Variants in SLC30A8 observed in about 807,000 individuals in gnomAD.
SLC30A8 encodes solute carrier family 30 member 8.
SLC30A8 carries 27 observed loss-of-function variants against 36.9 expected under a neutral mutation model. The ratio of observed to expected loss-of-function variants is 0.73; its 90% CI spans 0.54 to 1.01. The LOEUF (loss-of-function observed/expected upper bound fraction) is 1.01. Ranked by LOEUF, SLC30A8 falls within the 50% of genes least tolerant of loss-of-function variation. The pLI is 0.00. For missense variants in SLC30A8, 439 were observed against 452.0 expected, an observed-to-expected ratio of 0.97 and a Z score of 0.26; for synonymous variants, 164 against 172.4, an observed-to-expected ratio of 0.95 and a Z score of 0.38.
upstream of SLC30A8, chr8:116,950,300 A>G (rs1813947228): frequency 6.1e-6 from 1 of 164,706 alleles, no homozygotes; most frequent in Non-Finnish European, 1.3e-5. Context: ...TCACCTCTCA[A>G]TAGGAGATCA....
intron 1 of SLC30A8, among the ~76,000 whole-genome samples, chr8:116,969,591 G>A (rs1193203623): frequency 6.6e-6 from 1 of 152,072 alleles, no homozygotes; most frequent in Non-Finnish European, 1.5e-5. Flanking sequence ...GACCTCATAG[G>A]GTGTACTTAC....
At chr8:117,072,862 A>G (rs1332449286) in intron 2 of SLC30A8, among the ~76,000 whole-genome samples, 2 of 149,386 alleles carry the variant, frequency 1.3e-5, no homozygotes, top group African/African-American at 4.9e-5. Flanking sequence ...TTTCAAATAC[A>G]GGGGATTTTT....
intron 2 of SLC30A8, among the ~76,000 whole-genome samples, chr8:117,050,678 T>A (rs1465466956): frequency 4.6e-5 from 7 of 152,196 alleles, no homozygotes; most frequent in African/African-American, 1.7e-4. Flanking sequence ...AGTGCTGAGA[T>A]TACAGGCGTG....
chr8:117,021,880 C>T (rs1027481515), intron 1 of SLC30A8, among the ~76,000 whole-genome samples: 1 of 152,034 alleles, frequency 6.6e-6, no homozygotes, highest in Non-Finnish European at 1.5e-5. Context: ...CAATTTATGA[C>T]GGAAGGGCTG....
intron 6 of SLC30A8, among the ~76,000 whole-genome samples, chr8:117,164,408 CA>C (rs34433350): frequency 0.23 from 35,601 of 151,548 alleles, 4,439 homozygotes; most frequent in East Asian, 0.33. Flanking sequence ...CTCGTCTCAA[CA>C]AAAAAATGCA....
At chr8:117,036,980 GAGAA>G (rs1415976613) in intron 1 of SLC30A8, among the ~76,000 whole-genome samples, 1 of 152,148 alleles carries the variant, frequency 6.6e-6, no homozygotes, top group Non-Finnish European at 1.5e-5. Flanking sequence ...ATTAGAGAGA[GAGAA>G]AGAGAGATGT....
intron 1 of SLC30A8, among the ~76,000 whole-genome samples, chr8:116,969,420 G>C (rs146705398): frequency 5.6e-4 from 86 of 152,216 alleles, no homozygotes; most frequent in African/African-American, 1.9e-3. Flanking sequence ...TCTGTGCCTG[G>C]TTTACCCATC....
intron 2 of SLC30A8, among the ~76,000 whole-genome samples, chr8:117,070,475 C>T (rs1818298496): frequency 6.6e-6 from 1 of 152,214 alleles, no homozygotes; most frequent in African/African-American, 2.4e-5. Context: ...GCTGCAACAT[C>T]TCCAGAAACC....
At chr8:116,953,436 GA>G (rs1315623200) in intron 1 of SLC30A8, among the ~76,000 whole-genome samples, 1 of 152,016 alleles carries the variant, frequency 6.6e-6, no homozygotes, top group Non-Finnish European at 1.5e-5. Context: ...TCAAGTAGTG[GA>G]CTGTGATTAT....
intron 6 of SLC30A8, among the ~76,000 whole-genome samples, chr8:117,169,823 C>T (rs1823278516): frequency 6.6e-6 from 1 of 152,070 alleles, no homozygotes; most frequent in African/African-American, 2.4e-5. Context: ...GCAAAGACAG[C>T]ACCAAGCCAT....
At chr8:116,954,427 G>T (rs1814115467) in intron 1 of SLC30A8, among the ~76,000 whole-genome samples, 1 of 152,144 alleles carries the variant, frequency 6.6e-6, no homozygotes, top group South Asian at 2.1e-4. Context: ...TGATGGCTGG[G>T]CAGAAAAAGA....
intron 2 of SLC30A8, 80 bp from the exon 3 acceptor site, chr8:117,152,864 T>G: frequency 8.4e-7 from 1 of 1,196,886 alleles, no homozygotes. Context: ...TGTGGCATTT[T>G]CACCCATGAT....
chr8:117,159,719 A>C (rs1425863937), intron 4 of SLC30A8, among the ~76,000 whole-genome samples: 1 of 152,190 alleles, frequency 6.6e-6, no homozygotes, highest in Non-Finnish European at 1.5e-5. Flanking sequence ...CGCTTTGCAT[A>C]AGGAGAACAA....
rs149894232 is a variant in SLC30A8 at position 117,017,966 on chromosome 8, C to G, written c.-265-21253C>G. On this transcript the variant is annotated intron_variant, in intron 1 of 10. Transcript: ENST00000427715. ...GTAGAGCTGGGCATGGTGGCATCTG[C>G]CTGTAGTCCCAAATACTTACTGGGG... is the stretch of plus-strand genomic sequence containing the variant. 5 of 152,346 alleles carry G rather than the reference C, an allele frequency of 3.3e-5. No homozygotes were observed. The East Asian group carries it at 9.6e-4, about 29-fold the overall frequency. 9.4% of individuals were successfully genotyped at this position (152,346 alleles called of 1,614,324 possible).
intron 1 of SLC30A8, among the ~76,000 whole-genome samples, chr8:117,029,581 G>A (rs1816971689): frequency 6.6e-6 from 1 of 152,160 alleles, no homozygotes; most frequent in Non-Finnish European, 1.5e-5. Context: ...GCATTGCTGA[G>A]GTGCTTTGGA....
intron 1 of SLC30A8, among the ~76,000 whole-genome samples, chr8:116,954,807 A>G (rs1356243951): frequency 6.6e-6 from 1 of 152,196 alleles, no homozygotes; most frequent in Non-Finnish European, 1.5e-5. Flanking sequence ...AGTGTGCTTA[A>G]ATGTTAATGG....
In SLC30A8 at chr8:117,175,552, A is replaced by G. The variant is rs1013548768; in HGVS notation, c.*2871A>G. The G allele has an allele frequency of 6.6e-6, 1 of 152,104 alleles. No homozygotes were observed. Among genetic ancestry groups the G allele is most frequent in the African/African-American group, 2.4e-5 (1 of 41,438 alleles). 9.4% of individuals were successfully genotyped at this position (152,104 alleles called of 1,614,324 possible). On this transcript the variant is annotated 3_prime_UTR_variant, in exon 8 of 8. Coordinates refer to ENST00000456015, the MANE Select transcript of SLC30A8 (RefSeq NM_173851.3). ...TTAGCTCTGTGACCTCGAGCTAGTT[A>G]CTTAAATGCTCTGATCCTCTATTTC...
At chr8:116,997,259 A>G (rs1815853714) in intron 1 of SLC30A8, among the ~76,000 whole-genome samples, 1 of 152,160 alleles carries the variant, frequency 6.6e-6, no homozygotes, top group Non-Finnish European at 1.5e-5. Flanking sequence ...TGTTCTTCTG[A>G]TGATAGTCTT....
intron 2 of SLC30A8, among the ~76,000 whole-genome samples, chr8:117,105,577 G>T (rs1275569567): frequency 6.6e-6 from 1 of 152,130 alleles, no homozygotes; most frequent in Non-Finnish European, 1.5e-5. Flanking sequence ...TCTGAAATTT[G>T]TAGGGCAAGC....
Sources: gnomAD v4.1 joint callset for allele counts (sites outside exome capture counted in the v4.1 genomes callset) on GRCh38, gnomAD v4.1.1 for gene constraint, MANE v1.5 for transcripts, NCBI Gene and HGNC (gene_info 2026-07-23, HGNC 2026-07-21) for gene names.